The following ATP11B variants were observed in gnomAD, a reference collection of about 807,000 sequenced individuals.
The protein encoded by ATP11B is ATPase phospholipid transporting 11B (putative), also known as phospholipid-transporting ATPase IF.
A neutral mutation model predicts 157.8 loss-of-function variants in ATP11B; 81 were observed. The observed-to-expected ratio is 0.51, with a 90% CI of 0.43 to 0.62. The LOEUF is 0.62. Among genes scored for constraint, ATP11B ranks in the 20% least tolerant of loss-of-function variants. The pLI, the probability that ATP11B is intolerant of heterozygous loss-of-function variation, is 0.00. For missense variants in ATP11B, 1,165 were observed against 1,402.2 expected (o/e 0.83, Z 2.70); for synonymous variants, 451 against 469.4 (o/e 0.96, Z 0.51).
At chr3:182,815,381 G>C (rs1373845031) in intron 1 of ATP11B, among the ~76,000 whole-genome samples, 1 of 151,982 alleles carries the variant, frequency 6.6e-6, no homozygotes, top group Non-Finnish European at 1.5e-5. Context: ...TACTGAATAG[G>C]TATAATTTAT....
At chr3:182,895,214 C>G (rs746161001) in intron 25 of ATP11B, among the ~76,000 whole-genome samples, 5 of 151,232 alleles carry the variant, frequency 3.3e-5, no homozygotes, top group Admixed American at 2.0e-4. Flanking sequence ...ACCCACTGAT[C>G]ATCGGTATTT....
chr3:182,817,331 A>T (rs1368345230), intron 1 of ATP11B, among the ~76,000 whole-genome samples: 1 of 151,244 alleles, frequency 6.6e-6, no homozygotes, highest in Non-Finnish European at 1.5e-5. Context: ...GCCAGGCTGG[A>T]GTGCAGTGGC....
chr3:182,815,752 G>C (rs1191186021), intron 1 of ATP11B, among the ~76,000 whole-genome samples: 1 of 152,108 alleles, frequency 6.6e-6, no homozygotes, highest in Non-Finnish European at 1.5e-5. Flanking sequence ...TGTTTTCTTA[G>C]TTATATTAAA....
chr3:182,876,019 G>T lies in ATP11B; in HGVS notation c.2252+2004G>T, dbSNP rs1315549576. On this transcript the variant is annotated intron_variant, in intron 19 of 29. Transcript: ENST00000323116. ...CCCAACACCCTGGGAGGCTGAGGTGGATCGCTTGAGCCCAGGAGTTTGAGA... is the reference window on the plus strand; with the variant it reads ...CCCAACACCCTGGGAGGCTGAGGTGTATCGCTTGAGCCCAGGAGTTTGAGA... 3.3e-5 allele frequency among the ~76,000 whole-genome samples: 5 copies of T among 152,164 alleles called. No individual in the cohort carries two copies. The East Asian group carries it at 7.7e-4, about 23-fold the overall frequency.
intron 28 of ATP11B, among the ~76,000 whole-genome samples, chr3:182,907,119 G>T (rs1223348146): frequency 6.6e-6 from 1 of 151,370 alleles, no homozygotes; most frequent in African/African-American, 2.4e-5. Context: ...AAAGAAAGAA[G>T]AATTGATGAG....
intron 19 of ATP11B, 101 bp from the exon 20 acceptor site, chr3:182,879,395 G>C: frequency 9.7e-7 from 1 of 1,032,656 alleles, no homozygotes; most frequent in African/African-American, 1.7e-5. Flanking sequence ...AGGGCTGTGG[G>C]TAAAAGATCC....
At chr3:182,866,493 T>C in intron 14 of ATP11B, 50 bp downstream of exon 14, 1 of 1,410,744 alleles carries the variant, frequency 7.1e-7, no homozygotes. Flanking sequence ...TTTAAATAAA[T>C]GTAACAATAT....
chr3:182,856,623 G>A (rs1463273932), intron 10 of ATP11B, among the ~76,000 whole-genome samples: 1 of 152,106 alleles, frequency 6.6e-6, no homozygotes, highest in African/African-American at 2.4e-5. Flanking sequence ...ATAAAAATGC[G>A]AGCAGTACTA....
intron 19 of ATP11B, 94 bp from the exon 20 acceptor site, chr3:182,879,402 A>T: frequency 5.5e-6 from 6 of 1,097,846 alleles, no homozygotes; most frequent in Non-Finnish European, 6.2e-6. Flanking sequence ...TGGGTAAAAG[A>T]TCCATCTTTC....
intron 1 of ATP11B, among the ~76,000 whole-genome samples, chr3:182,805,858 G>T (rs1716297114): frequency 6.6e-6 from 1 of 152,004 alleles, no homozygotes; most frequent in South Asian, 2.1e-4. Flanking sequence ...TATGAGATGT[G>T]ATTTGCAAAT....
chr3:182,824,290 G>C (rs890908205), intron 2 of ATP11B, among the ~76,000 whole-genome samples: 2 of 152,090 alleles, frequency 1.3e-5, no homozygotes, highest in African/African-American at 4.8e-5. Context: ...ATTTCCAGCT[G>C]CTTTTCCAGC....
intron 1 of ATP11B, among the ~76,000 whole-genome samples, chr3:182,809,513 T>C (rs1464168952): frequency 6.6e-6 from 1 of 152,170 alleles, no homozygotes; most frequent in Non-Finnish European, 1.5e-5. Flanking sequence ...CTTCCCAAAG[T>C]GCTGGGATTA....
At chr3:182,871,908 C>G (rs113084048) in intron 17 of ATP11B, among the ~76,000 whole-genome samples, 2 of 152,008 alleles carry the variant, frequency 1.3e-5, no homozygotes, top group African/African-American at 2.4e-5. Context: ...CTCCACCTCC[C>G]GGGTTCACGC....
At chr3:182,846,179 T>C (rs532071565) in intron 9 of ATP11B, among the ~76,000 whole-genome samples, 2 of 152,316 alleles carry the variant, frequency 1.3e-5, no homozygotes, top group South Asian at 4.1e-4. Flanking sequence ...GCCCACTGTG[T>C]TACCCACTGG....
intron 1 of ATP11B, among the ~76,000 whole-genome samples, chr3:182,800,390 TAA>T (rs71183647): frequency 3.3e-3 from 488 of 146,698 alleles, no homozygotes; most frequent in South Asian, 0.011. Flanking sequence ...CCCAGCTAAT[TAA>T]AAAAAAAAAA....
chr3:182,907,154 GA>G (rs1724427385), intron 28 of ATP11B, among the ~76,000 whole-genome samples: 1 of 152,010 alleles, frequency 6.6e-6, no homozygotes, highest in Non-Finnish European at 1.5e-5. Flanking sequence ...TTCTCTCGAG[GA>G]ATAACCCTGA....
intron 10 of ATP11B, among the ~76,000 whole-genome samples, chr3:182,850,963 A>G (rs1719931879): frequency 1.3e-5 from 2 of 152,212 alleles, no homozygotes. Context: ...AGCAACATGG[A>G]TGTAACTGAA....
At chr3:182,902,591 A>T in intron 28 of ATP11B, 1 of 1,260,296 alleles carries the variant, frequency 7.9e-7, no homozygotes, top group Non-Finnish European at 1.0e-6. Context: ...GTAGAGCCTC[A>T]TTAACTCTTC....
intron 19 of ATP11B, among the ~76,000 whole-genome samples, chr3:182,878,827 T>G (rs529941940): frequency 6.6e-6 from 1 of 151,840 alleles, no homozygotes; most frequent in African/African-American, 2.4e-5. Flanking sequence ...TTTCATAGAG[T>G]TTTTTTTTAA....
Sources: gnomAD v4.1 joint callset for allele counts (sites outside exome capture counted in the v4.1 genomes callset) on GRCh38, gnomAD v4.1.1 for gene constraint, MANE v1.5 for transcripts, NCBI Gene and HGNC (gene_info 2026-07-23, HGNC 2026-07-21) for gene names.